LTBP1: variants seen among roughly 807,000 people sequenced by gnomAD.
LTBP1 encodes latent-transforming growth factor beta-binding protein 1.
In LTBP1, 129 loss-of-function variants were observed where a neutral mutation model predicts 207.6. The observed-to-expected ratio is 0.62, with a 90% CI of 0.54 to 0.72. The LOEUF (loss-of-function observed/expected upper bound fraction) is 0.72. Ranked by LOEUF, LTBP1 falls within the 30% of genes least tolerant of loss-of-function variation. The pLI is 0.00. For synonymous variants in LTBP1, 963 were observed against 833.7 expected (o/e 1.16, Z -2.67); for missense variants, 2,281 against 2,217.2 (o/e 1.03, Z -0.58).
chr2:33,361,555 A>T (rs1373987042), intron 28 of LTBP1, 40 bp downstream of exon 28: 1 of 1,392,706 alleles, frequency 7.2e-7, no homozygotes. Context: ...CACATTGTGT[A>T]CATGTCAGAT....
intron 3 of LTBP1, among the ~76,000 whole-genome samples, chr2:33,100,517 T>A (rs1261096795): frequency 2.6e-5 from 4 of 152,132 alleles, no homozygotes; most frequent in Non-Finnish European, 4.4e-5. Flanking sequence ...TTGCCTTTTT[T>A]ATGTAGTTTT....
intron 2 of LTBP1, among the ~76,000 whole-genome samples, chr2:33,003,852 C>T (rs1400886866): frequency 6.6e-6 from 1 of 152,198 alleles, no homozygotes; most frequent in Non-Finnish European, 1.5e-5. Context: ...AAACCACAAC[C>T]TTGCACAAAG....
chr2:33,132,199 A>G (rs1322213671), intron 4 of LTBP1, among the ~76,000 whole-genome samples: 1 of 152,226 alleles, frequency 6.6e-6, no homozygotes, highest in Non-Finnish European at 1.5e-5. Flanking sequence ...CACACAAAGT[A>G]TCCTCAAGAT....
chr2:33,326,216 A>T (rs1264192846), intron 24 of LTBP1, among the ~76,000 whole-genome samples: 2 of 152,222 alleles, frequency 1.3e-5, no homozygotes, highest in East Asian at 1.9e-4. Context: ...ATAATTGAAC[A>T]AACATCTGGC....
intron 9 of LTBP1, among the ~76,000 whole-genome samples, chr2:33,242,363 G>T (rs989509273): frequency 4.0e-5 from 6 of 151,812 alleles, no homozygotes; most frequent in Non-Finnish European, 7.4e-5. Flanking sequence ...CTTTCAAATC[G>T]CTTTGATTTC....
At chr2:32,947,911 T>G in intron 1 of LTBP1, 93 bp downstream of exon 1, 1 of 1,136,650 alleles carries the variant, frequency 8.8e-7, no homozygotes. Context: ...AGCCCCGCGG[T>G]GGCCAGGGCG....
chr2:33,152,867 C>T (rs1157644319), intron 5 of LTBP1, among the ~76,000 whole-genome samples: 1 of 152,206 alleles, frequency 6.6e-6, no homozygotes, highest in African/African-American at 2.4e-5. Context: ...TTATCTCTAG[C>T]TGATAATTGA....
Position 33,315,284 on chromosome 2 carries a change from A to C in LTBP1, c.3730+15A>C. ...TACGTGTGAAGGTAAGATAAACCATACGAAATCATATTGTTGTGTGATAAA... is the reference window on the plus strand; with the variant it reads ...TACGTGTGAAGGTAAGATAAACCATCCGAAATCATATTGTTGTGTGATAAA... On this transcript the variant is annotated intron_variant, in intron 24 of 33. Coordinates refer to ENST00000404816, the MANE Select transcript of LTBP1 (RefSeq NM_206943.4). 6.2e-7 allele frequency: 1 copy of C among 1,609,552 alleles called. No homozygotes were observed.
intron 3 of LTBP1, among the ~76,000 whole-genome samples, chr2:33,056,735 T>C (rs2077019737): frequency 6.6e-6 from 1 of 151,986 alleles, no homozygotes; most frequent in South Asian, 2.1e-4. Flanking sequence ...TTACAGCTCA[T>C]AAAGGCAGTG....
chr2:33,301,175 C>T (rs2093982939), intron 21 of LTBP1, among the ~76,000 whole-genome samples: 2 of 152,146 alleles, frequency 1.3e-5, no homozygotes, highest in Non-Finnish European at 2.9e-5. Flanking sequence ...ACTTCACTTC[C>T]CAATAAGTAT....
At chr2:33,162,507 C>T (rs2084555271) in intron 5 of LTBP1, among the ~76,000 whole-genome samples, 1 of 152,146 alleles carries the variant, frequency 6.6e-6, no homozygotes, top group Non-Finnish European at 1.5e-5. Context: ...AAACTTTGTT[C>T]TTGTCCTCAA....
At chr2:33,013,608 G>C (rs971509451) in intron 2 of LTBP1, among the ~76,000 whole-genome samples, 2 of 151,646 alleles carry the variant, frequency 1.3e-5, no homozygotes, top group African/African-American at 4.9e-5. Flanking sequence ...AGTTATACAT[G>C]GCAGTGATAA....
intron 23 of LTBP1, among the ~76,000 whole-genome samples, chr2:33,309,778 C>G (rs1213027902): frequency 1.3e-5 from 2 of 152,190 alleles, no homozygotes; most frequent in African/African-American, 4.8e-5. Flanking sequence ...GAGCTGTGTC[C>G]TCACTGCGTG....
rs75397033 is a variant in LTBP1, at chr2:33,108,014, T to C, written c.864-2568T>C. 3.5e-3 allele frequency among the ~76,000 whole-genome samples: 531 copies of C among 152,246 alleles called. 3 individuals are homozygous for C. The highest frequency in any genetic ancestry group is 0.012 in the African/African-American group (503 of 41,530). On this transcript the variant is annotated intron_variant, in intron 3 of 33. Coordinates refer to ENST00000404816, the MANE Select transcript of LTBP1 (RefSeq NM_206943.4). ...GAAGGAAAGGAAGAAGTAAAGAGGA[T>C]ATGTATTTGTAAGACTGCAACGTGG...
rs140573908 is a variant in LTBP1, at chr2:33,293,483, G to A, written c.3235+201G>A. ...CATATCTATTTACATAAAGGGAAACGATGTATTTTTAGAGAGTGTCTGTGA... is the reference window on the plus strand; with the variant it reads ...CATATCTATTTACATAAAGGGAAACAATGTATTTTTAGAGAGTGTCTGTGA... On this transcript the variant is annotated intron_variant, in intron 20 of 33. Transcript: ENST00000404816. Among the ~76,000 whole-genome samples the A allele has an allele frequency of 3.5e-3, 529 of 152,220 alleles. 4 individuals are homozygous for A. Among genetic ancestry groups the A allele is most frequent in the African/African-American group, 0.012 (497 of 41,542 alleles).
At chr2:33,087,757 G>A (rs1342693116) in intron 3 of LTBP1, among the ~76,000 whole-genome samples, 1 of 152,170 alleles carries the variant, frequency 6.6e-6, no homozygotes, top group African/African-American at 2.4e-5. Flanking sequence ...AGCAGAATTT[G>A]CTTTCCTTTA....
intron 2 of LTBP1, among the ~76,000 whole-genome samples, chr2:32,952,460 A>G (rs998152081): frequency 6.6e-6 from 1 of 152,172 alleles, no homozygotes; most frequent in African/African-American, 2.4e-5. Context: ...ATTTTAGTTA[A>G]TATTGGATGA....
chr2:32,987,262 G>GA (rs1683739500), intron 2 of LTBP1, among the ~76,000 whole-genome samples: 1 of 152,136 alleles, frequency 6.6e-6, no homozygotes, highest in Non-Finnish European at 1.5e-5. Context: ...AATGAGTATA[G>GA]AAAAAGGGGA....
intron 7 of LTBP1, among the ~76,000 whole-genome samples, chr2:33,195,383 T>C (rs1180864226): frequency 2.0e-5 from 3 of 152,172 alleles, no homozygotes; most frequent in Non-Finnish European, 2.9e-5. Flanking sequence ...AATATCAGCA[T>C]TAAAGATATT....
Sources: allele counts gnomAD v4.1 joint callset (sites outside exome capture counted in the v4.1 genomes callset), GRCh38; gene constraint gnomAD v4.1.1; transcripts MANE v1.5; gene names NCBI Gene and HGNC (gene_info 2026-07-23, HGNC 2026-07-21).